Variants in MDGA2 observed in about 807,000 individuals in gnomAD.
MDGA2 encodes the protein MAM domain-containing glycosylphosphatidylinositol anchor protein 2.
In MDGA2, 40 loss-of-function variants were observed where a neutral mutation model predicts 117.8. The ratio of observed to expected loss-of-function variants is 0.34; its 90% CI spans 0.26 to 0.44. MDGA2 has a LOEUF of 0.44. Ranked by LOEUF, MDGA2 falls within the 20% of genes least tolerant of loss-of-function variation. MDGA2 has a pLI of 1.00. For missense variants in MDGA2, 1,123 were observed against 1,250.6 expected (o/e 0.90, Z 1.54); for synonymous variants, 452 against 439.0 (o/e 1.03, Z -0.37).
intron 8 of MDGA2, among the ~76,000 whole-genome samples, chr14:46,984,639 T>C (rs760916563): frequency 1.6e-4 from 25 of 151,994 alleles, no homozygotes; most frequent in Non-Finnish European, 2.7e-4. Context: ...CACAATGGAT[T>C]TATAGTACTA....
chr14:47,604,666 T>C (rs1197877830), intron 1 of MDGA2, among the ~76,000 whole-genome samples: 1 of 152,030 alleles, frequency 6.6e-6, no homozygotes, highest in Non-Finnish European at 1.5e-5. Context: ...CTCTCAAATT[T>C]TAAAGGACCA....
intron 1 of MDGA2, among the ~76,000 whole-genome samples, chr14:47,644,195 G>C (rs1009347005): frequency 6.6e-6 from 1 of 152,088 alleles, no homozygotes; most frequent in African/African-American, 2.4e-5. Flanking sequence ...TGAATATGTT[G>C]CTTTATATGG....
At chr14:46,993,224 C>CCATT (rs1475326588) in intron 8 of MDGA2, among the ~76,000 whole-genome samples, 2 of 152,116 alleles carry the variant, frequency 1.3e-5, no homozygotes, top group East Asian at 3.9e-4. Context: ...CACATTTTAT[C>CCATT]CATTATTCAT....
chr14:47,614,262 T>A (rs1316913153), intron 1 of MDGA2, among the ~76,000 whole-genome samples: 1 of 151,960 alleles, frequency 6.6e-6, no homozygotes, highest in African/African-American at 2.4e-5. Flanking sequence ...GCTAATTTTT[T>A]TATTTTTTGA....
chr14:46,870,932 T>A (rs1595009587), intron 14 of MDGA2: 1 of 151,916 alleles, frequency 6.6e-6, no homozygotes, highest in Admixed American at 6.6e-5. Flanking sequence ...TTTAAGTAAT[T>A]CAGAATATTG....
At chr14:46,877,737 C>G (rs544043439) in intron 11 of MDGA2, among the ~76,000 whole-genome samples, 1 of 151,714 alleles carries the variant, frequency 6.6e-6, no homozygotes, top group Non-Finnish European at 1.5e-5. Flanking sequence ...ACCAAAAAGA[C>G]CAATGCTAAA....
intron 1 of MDGA2, among the ~76,000 whole-genome samples, chr14:47,573,791 A>C (rs997650908): frequency 9.9e-5 from 15 of 152,200 alleles, no homozygotes; most frequent in African/African-American, 3.6e-4. Flanking sequence ...ACATGGAAGG[A>C]GTGTTTTACA....
intron 1 of MDGA2, among the ~76,000 whole-genome samples, chr14:47,351,692 C>T (rs904801449): frequency 1.3e-5 from 2 of 151,936 alleles, no homozygotes; most frequent in Non-Finnish European, 2.9e-5. Context: ...CATGTTAATA[C>T]CTAAGAAAAT....
At position 47,654,009 on chromosome 14, in the gene MDGA2, A is replaced by G. The variant is rs554277317; in HGVS notation, c.280+20508T>C. 2.3e-4 allele frequency among the ~76,000 whole-genome samples: 35 copies of G among 152,310 alleles called. No homozygotes were observed. In the South Asian group the frequency reaches 6.8e-3, roughly 30 times the overall value. ...CTACATAGAGAACTAATATTGCTTAAAACCACTAAGTTTGTGGTAATTTGT... is the reference window on the plus strand; with the variant it reads ...CTACATAGAGAACTAATATTGCTTAGAACCACTAAGTTTGTGGTAATTTGT... On this transcript the variant is annotated intron_variant, in intron 1 of 16. Coordinates refer to ENST00000399232, the MANE Select transcript of MDGA2 (RefSeq NM_001113498.3).
Position 46,932,036 on chromosome 14 carries a change from A to T in MDGA2, c.2090-11876T>A, listed in dbSNP as rs572736483. Among the ~76,000 whole-genome samples the T allele has an allele frequency of 9.2e-5, 14 of 152,256 alleles. No homozygotes were observed. The South Asian group carries it at 2.7e-3, about 29-fold the overall frequency. On this transcript the variant is annotated intron_variant, in intron 9 of 16. Transcript: ENST00000399232. Reference sequence around the variant, plus strand: ...CATAACCCATAATTCGACAAATTCCAATTAAGCTTTATGTTTTTTACAGTA... The same window carrying T: ...CATAACCCATAATTCGACAAATTCCTATTAAGCTTTATGTTTTTTACAGTA...
intron 1 of MDGA2, among the ~76,000 whole-genome samples, chr14:47,388,037 G>A (rs1023774190): frequency 1.1e-4 from 17 of 152,154 alleles, no homozygotes; most frequent in African/African-American, 4.1e-4. Flanking sequence ...AATCACAGAC[G>A]AAAATGATGA....
At chr14:47,214,176 G>C (rs1262730821) in intron 3 of MDGA2, among the ~76,000 whole-genome samples, 1 of 152,000 alleles carries the variant, frequency 6.6e-6, no homozygotes, top group Non-Finnish European at 1.5e-5. Context: ...AGATTTGTGT[G>C]GGCATGGGGG....
intron 16 of MDGA2, among the ~76,000 whole-genome samples, chr14:46,842,763 T>C (rs1880670466): frequency 6.6e-6 from 1 of 152,154 alleles, no homozygotes; most frequent in African/African-American, 2.4e-5. Context: ...AGGGGAGAAT[T>C]GAGTTTGAAA....
chr14:47,260,132 T>C (rs556746791), intron 2 of MDGA2, among the ~76,000 whole-genome samples: 87 of 152,122 alleles, frequency 5.7e-4, no homozygotes, highest in African/African-American at 2.0e-3. Flanking sequence ...AAGGATAGCA[T>C]GGCCCAAAAT....
At chr14:47,446,306 A>G (rs1230393643) in intron 1 of MDGA2, among the ~76,000 whole-genome samples, 1 of 152,190 alleles carries the variant, frequency 6.6e-6, no homozygotes, top group Non-Finnish European at 1.5e-5. Flanking sequence ...TATATGTGAG[A>G]AGATTATACA....
intron 2 of MDGA2, among the ~76,000 whole-genome samples, chr14:47,288,120 G>C (rs1456324413): frequency 6.7e-6 from 1 of 150,204 alleles, no homozygotes; most frequent in Non-Finnish European, 1.5e-5. Flanking sequence ...CCCAAGGGAA[G>C]TAATACAAGG....
chr14:47,247,573 G>A (rs1952210), intron 2 of MDGA2, among the ~76,000 whole-genome samples: 34,918 of 150,946 alleles, frequency 0.23, 5,367 homozygotes, highest in East Asian at 0.44. Context: ...AAAGTGCTGG[G>A]ATTACAGGCG....
At chr14:47,217,405 T>G (rs1886133022) in intron 3 of MDGA2, among the ~76,000 whole-genome samples, 1 of 151,912 alleles carries the variant, frequency 6.6e-6, no homozygotes. Context: ...TTTAAAATAT[T>G]ATCATCAAGA....
chr14:46,982,734 A>AAAAAATAATAATAAT (rs1449356596), intron 8 of MDGA2, among the ~76,000 whole-genome samples: 2 of 130,326 alleles, frequency 1.5e-5, no homozygotes, highest in African/African-American at 2.8e-5. Flanking sequence ...AAAAAAAAAA[A>AAAAAATAATAATAAT]AATCATGTCA....
Sources: gnomAD v4.1 joint callset for allele counts (sites outside exome capture counted in the v4.1 genomes callset) on GRCh38, gnomAD v4.1.1 for gene constraint, MANE v1.5 for transcripts, NCBI Gene and HGNC (gene_info 2026-07-23, HGNC 2026-07-21) for gene names.